LRIG2: variants seen among roughly 807,000 people sequenced by gnomAD.
The protein encoded by LRIG2 is leucine-rich repeats and immunoglobulin-like domains protein 2.
LRIG2 carries 93 observed loss-of-function variants against 107.8 expected under a neutral mutation model. The observed-to-expected ratio is 0.86, with a 90% CI of 0.73 to 1.03. LRIG2 has a LOEUF of 1.03. Ranked by LOEUF, LRIG2 falls within the 50% of genes least tolerant of loss-of-function variation. The pLI, the probability that LRIG2 is intolerant of heterozygous loss-of-function variation, is 0.00. For missense variants in LRIG2, 1,226 were observed against 1,296.0 expected, an observed-to-expected ratio of 0.95 and a Z score of 0.83; for synonymous variants, 471 against 470.6, an observed-to-expected ratio of 1.00 and a Z score of -0.01.
intron 17 of LRIG2, among the ~76,000 whole-genome samples, chr1:113,123,501 GA>G (rs1269132515): frequency 1.3e-5 from 2 of 152,192 alleles, no homozygotes; most frequent in Admixed American, 6.5e-5. Flanking sequence ...GTGAACCCGG[GA>G]GGCGGAGGTT....
At chr1:113,087,982 A>G (rs565456837) in intron 1 of LRIG2, among the ~76,000 whole-genome samples, 2 of 152,236 alleles carry the variant, frequency 1.3e-5, no homozygotes, top group Non-Finnish European at 2.9e-5. Flanking sequence ...ACATGGTCCA[A>G]TAAGTGTTTA....
chr1:113,113,894 A>G (rs867928973), intron 14 of LRIG2, among the ~76,000 whole-genome samples: 25 of 152,280 alleles, frequency 1.6e-4, no homozygotes, highest in African/African-American at 5.8e-4. Context: ...AAGTCACTCA[A>G]ATACTTAAGG....
At chr1:113,106,159 C>T (rs1570756265) in intron 11 of LRIG2, among the ~76,000 whole-genome samples, 3 of 151,650 alleles carry the variant, frequency 2.0e-5, no homozygotes, top group African/African-American at 2.4e-5. Flanking sequence ...ACCCGGGAGG[C>T]GGAGGTTGCA....
rs1424913168 is a variant in LRIG2 at position 113,114,527 on chromosome 1, C to T, written c.2181C>T (p.Leu727=). The T allele has an allele frequency of 6.2e-7, 1 of 1,614,016 alleles. No homozygotes were observed. The highest frequency in any genetic ancestry group is 8.5e-7 in the Non-Finnish European group (1 of 1,180,012). The change falls in exon 15 of 18, where the codon CTC becomes CTT. Residue 727 remains leucine, a synonymous_variant. Transcript: ENST00000361127. ...CTGGAGGGAGTCCTGCCCCTCGTCT[C>T]AACTGGACTAAAGATGATGGGCCTT... ...CIAGGSPAPR[L]NWTKDDGPLL...
chr1:113,080,365 G>T (rs1653211945), intron 1 of LRIG2, among the ~76,000 whole-genome samples: 1 of 150,498 alleles, frequency 6.6e-6, no homozygotes, highest in African/African-American at 2.4e-5. Context: ...ATTCTAATTT[G>T]CTTCTGGTCT....
chr1:113,094,305 A>AT, intron 4 of LRIG2, 34 bp from the exon 5 acceptor site: 1 of 1,543,540 alleles, frequency 6.5e-7, no homozygotes. Flanking sequence ...ATTTTACTAA[A>AT]TTTTTTCTTT....
chr1:113,108,177 A>G (rs1299442538), intron 12 of LRIG2, among the ~76,000 whole-genome samples: 1 of 151,444 alleles, frequency 6.6e-6, no homozygotes, highest in Non-Finnish European at 1.5e-5. Flanking sequence ...GGAGAGAGAT[A>G]GTCATAGACA....
Position 113,096,331 on chromosome 1 carries a change from G to A in LRIG2, c.1057G>A (p.Gly353Ser). 6.2e-7 allele frequency: 1 copy of A among 1,613,868 alleles called. No homozygotes were observed. The change falls in exon 8 of 18, where the codon GGT becomes AGT. Residue 353 changes from glycine (G) to serine (S), a missense_variant. Transcript: ENST00000361127. ...CAACAGAGTCACTCATATTGCTGAT[G>A]GTGTATTTAGATTTCTTTCCAATCT... ...GDNRVTHIADGVFRFLSNLQT... is the reference protein window; with the variant it reads ...GDNRVTHIADSVFRFLSNLQT...
intron 15 of LRIG2, among the ~76,000 whole-genome samples, chr1:113,115,851 C>T (rs1453758183): frequency 1.3e-5 from 2 of 152,164 alleles, no homozygotes; most frequent in African/African-American, 4.8e-5. Flanking sequence ...AAACGCATTA[C>T]AGATGCATTC....
chr1:113,109,715 C>T (rs1017611365), intron 12 of LRIG2, among the ~76,000 whole-genome samples: 20 of 152,034 alleles, frequency 1.3e-4, no homozygotes, highest in Admixed American at 3.3e-4. Context: ...GACGGGGTTT[C>T]GCCGTGTTGG....
intron 15 of LRIG2, among the ~76,000 whole-genome samples, chr1:113,115,331 C>T (rs1237629788): frequency 1.3e-5 from 2 of 152,062 alleles, no homozygotes; most frequent in South Asian, 2.1e-4. Flanking sequence ...TCTCCCATCT[C>T]GGCCTTCTGA....
At chr1:113,091,534 C>G (rs545492477) in intron 2 of LRIG2, 151 bp downstream of exon 2, 257 of 569,276 alleles carry the variant, frequency 4.5e-4, no homozygotes, top group African/African-American at 4.5e-3. Flanking sequence ...AAAATGTTTT[C>G]TTTGGCTTTG....
intron 11 of LRIG2, among the ~76,000 whole-genome samples, chr1:113,107,015 G>T (rs1274924099): frequency 3.3e-5 from 5 of 152,016 alleles, no homozygotes; most frequent in Non-Finnish European, 5.9e-5. Context: ...TGCTGAATTT[G>T]TTCTATTTCC....
At position 113,124,265 on chromosome 1, in the gene LRIG2, G is replaced by C. The variant is rs1047165155; in HGVS notation, c.*164G>C. ...CCATGCGTTGTTTGGTCTTATACCTGATGAAGAAATGGCAACAGCTGACAG... is the reference window on the plus strand; with the variant it reads ...CCATGCGTTGTTTGGTCTTATACCTCATGAAGAAATGGCAACAGCTGACAG... On this transcript the variant is annotated 3_prime_UTR_variant, in exon 18 of 18. Transcript: ENST00000361127. 5.6e-5 allele frequency: 35 copies of C among 630,270 alleles called. No individual in the cohort carries two copies. Among genetic ancestry groups the C allele is most frequent in the Non-Finnish European group, 9.6e-5 (35 of 363,194 alleles). 39.0% of individuals were successfully genotyped at this position (630,270 alleles called of 1,614,324 possible). A position where few individuals can be genotyped will look rare whatever the true frequency, so the allele number is the denominator to read the frequency against.
At chr1:113,096,427 A>G in intron 8 of LRIG2, 62 bp downstream of exon 8, 2 of 1,528,366 alleles carry the variant, frequency 1.3e-6, no homozygotes, top group Non-Finnish European at 1.8e-6. Flanking sequence ...AATAAAGCAA[A>G]TTAATTAAAA....
chr1:113,113,559 T>TATTTA (rs1654868798), intron 14 of LRIG2, among the ~76,000 whole-genome samples: 1 of 149,654 alleles, frequency 6.7e-6, no homozygotes, highest in East Asian at 1.9e-4. Context: ...TTTATTTATT[T>TATTTA]ATTTATTTAT....
chr1:113,086,392 G>C (rs758819863), intron 1 of LRIG2, among the ~76,000 whole-genome samples: 1 of 152,132 alleles, frequency 6.6e-6, no homozygotes, highest in Non-Finnish European at 1.5e-5. Flanking sequence ...AAATTATGCA[G>C]GCTAAATGAA....
chr1:113,129,452 C>T lies in LRIG2; in HGVS notation c.*5351C>T, dbSNP rs1240378734. 3 of 151,994 alleles carry T rather than the reference C, an allele frequency of 2.0e-5. No homozygotes were observed. The allele number at this position is 151,994 out of a possible 1,614,324, so 9.4% of individuals were successfully genotyped here. A position where few individuals can be genotyped will look rare whatever the true frequency, so the allele number is the denominator to read the frequency against. Reference sequence around the variant, plus strand: ...TGTCAACTCAGATGGTTGAGATGTCCTTAGATATTCCTAGCTTGCCTAAAT... The same window carrying T: ...TGTCAACTCAGATGGTTGAGATGTCTTTAGATATTCCTAGCTTGCCTAAAT... On this transcript the variant is annotated 3_prime_UTR_variant, in exon 18 of 18. Coordinates refer to ENST00000361127, the MANE Select transcript of LRIG2 (RefSeq NM_014813.3).
intron 12 of LRIG2, among the ~76,000 whole-genome samples, chr1:113,108,683 C>T (rs1654642220): frequency 6.6e-6 from 1 of 151,668 alleles, no homozygotes; most frequent in African/African-American, 2.4e-5. Flanking sequence ...TCGAGACCGG[C>T]CTGGCCAGCA....
Sources: allele counts gnomAD v4.1 joint callset (sites outside exome capture counted in the v4.1 genomes callset), GRCh38; gene constraint gnomAD v4.1.1; transcripts MANE v1.5; gene names NCBI Gene and HGNC (gene_info 2026-07-23, HGNC 2026-07-21).